The following GPX7 variants were observed in gnomAD, a reference collection of about 807,000 sequenced individuals.
The protein encoded by GPX7 is protein peroxidase GPX7.
In GPX7, 21 loss-of-function variants were observed where a neutral mutation model predicts 23.7. The observed-to-expected ratio is 0.89, with a 90% confidence interval of 0.63 to 1.28. The LOEUF (loss-of-function observed/expected upper bound fraction) is 1.28, where lower values mean the gene tolerates loss of function less well. Among genes scored for constraint, GPX7 ranks in the 50% most tolerant of loss-of-function variants. The pLI is 0.00. For synonymous variants in GPX7, 112 were observed against 101.8 expected, an observed-to-expected ratio of 1.10 and a Z score of -0.61; for missense variants, 238 against 237.3, an observed-to-expected ratio of 1.00 and a Z score of -0.02.
At chr1:52,606,495 G>T (rs1198901545) in intron 1 of GPX7, among the ~76,000 whole-genome samples, 189 bp from the exon 2 acceptor site, 2 of 152,170 alleles carry the variant, frequency 1.3e-5, no homozygotes, top group East Asian at 3.8e-4. Context: ...GCCTGTCTGT[G>T]TGCATGTGTT....
intron 2 of GPX7, chr1:52,607,412 C>T (rs1690866873): frequency 6.2e-6 from 1 of 162,276 alleles, no homozygotes; most frequent in Admixed American, 5.8e-5. Flanking sequence ...GGGAGACCTT[C>T]TAAGCTAAAA....
At position 52,606,733 on chromosome 1, in the gene GPX7, A is replaced by G; in HGVS notation, c.188A>G (p.His63Arg). 6.2e-7 allele frequency: 1 copy of G among 1,614,134 alleles called. No individual in the cohort carries two copies. The highest frequency in any genetic ancestry group is 8.5e-7 in the Non-Finnish European group (1 of 1,180,044). Residue 63 changes from histidine to arginine, a missense_variant, in exon 2 of 3, where the codon CAC (histidine) becomes CGC (arginine). Physicochemically the swap from His to Arg is conservative, Grantham distance 29. Coordinates refer to ENST00000361314, the MANE Select transcript of GPX7 (RefSeq NM_015696.5). ...VASECGFTDQ[H>R]YRALQQLQRD... ...AGCGAGTGCGGCTTCACAGACCAGC[A>G]CTACCGAGCCCTGCAGCAGCTGCAG...
At chr1:52,602,619 C>A in intron 1 of GPX7, 72 bp downstream of exon 1, 1 of 945,590 alleles carries the variant, frequency 1.1e-6, no homozygotes, top group Non-Finnish European at 1.5e-6. Flanking sequence ...GGACGCCCCG[C>A]AGCCCGGTCC....
In GPX7 at chr1:52,606,742, C is replaced by T. The variant is rs371713754; in HGVS notation, c.197C>T (p.Ala66Val). The T allele has an allele frequency of 1.9e-5, 31 of 1,614,046 alleles. No homozygotes were observed. The African/African-American group carries it at 2.9e-4, about 15-fold the overall frequency. Reference protein sequence around the residue: ...ECGFTDQHYRALQQLQRDLGP... With the variant: ...ECGFTDQHYRVLQQLQRDLGP... ...GGCTTCACAGACCAGCACTACCGAG[C>T]CCTGCAGCAGCTGCAGCGAGACCTG... Residue 66 changes from alanine (A) to valine (V), a missense_variant, in exon 2 of 3, where the codon GCC becomes GTC. Physicochemically the swap from Ala to Val is moderately conservative, Grantham distance 64. Transcript: ENST00000361314.
chr1:52,602,417 C>T lies in GPX7; in HGVS notation c.8C>T (p.Ala3Val), dbSNP rs1160854999. The part of the protein sequence containing the change: MV[A>V]ATVAAAWLLL... ...CCACCTCCGGAACAAGCCATGGTGGCGGCGACGGTGGCAGCGGCGTGGCTG... is the reference window on the plus strand; with the variant it reads ...CCACCTCCGGAACAAGCCATGGTGGTGGCGACGGTGGCAGCGGCGTGGCTG... Residue 3 changes from alanine to valine, a missense_variant, in exon 1 of 3, where the codon GCG becomes GTG. Physicochemically the swap from Ala to Val is moderately conservative, Grantham distance 64 (BLOSUM62 0). Transcript: ENST00000361314. 10 of 1,509,026 alleles carry T rather than the reference C, an allele frequency of 6.6e-6. No individual in the cohort carries two copies. The highest frequency in any genetic ancestry group is 4.4e-5 in the African/African-American group (3 of 68,580). 93.5% of individuals were successfully genotyped at this position (1,509,026 alleles called of 1,614,324 possible).
chr1:52,606,101 C>T (rs1445426987), intron 1 of GPX7, among the ~76,000 whole-genome samples: 1 of 152,188 alleles, frequency 6.6e-6, no homozygotes, highest in Non-Finnish European at 1.5e-5. Context: ...TGTGTGCACA[C>T]TTACTCATTC....
chr1:52,606,646 T>C (rs1041656145), intron 1 of GPX7, 38 bp from the exon 2 acceptor site: 2 of 1,598,972 alleles, frequency 1.3e-6, no homozygotes, highest in Non-Finnish European at 8.5e-7. Context: ...CTTCACTGGC[T>C]TGTCTGGGCT....
In GPX7 at chr1:52,608,283, C is replaced by A. The variant is rs377150381; in HGVS notation, c.422C>A (p.Thr141Asn). Residue 141 changes from threonine (T) to asparagine (N), a missense_variant, in exon 3 of 3, where the codon ACC (threonine) becomes AAC (asparagine). Coordinates refer to ENST00000361314, the MANE Select transcript of GPX7 (RefSeq NM_015696.5). ...CTAGAGACTTCTGGGAAGGAGCCCACCTGGAACTTCTGGAAGTACCTAGTA... is the reference window on the plus strand; with the variant it reads ...CTAGAGACTTCTGGGAAGGAGCCCAACTGGAACTTCTGGAAGTACCTAGTA... The part of the protein sequence containing the change: ...YLAQTSGKEP[T>N]WNFWKYLVAP... The A allele has an allele frequency of 3.1e-6, 5 of 1,612,728 alleles. No individual in the cohort carries two copies. Among genetic ancestry groups the A allele is most frequent in the Non-Finnish European group, 4.2e-6 (5 of 1,179,514 alleles).
chr1:52,602,635 G>A, intron 1 of GPX7, 88 bp downstream of exon 1: 2 of 766,948 alleles, frequency 2.6e-6, no homozygotes, highest in Non-Finnish European at 1.9e-6. Flanking sequence ...GGTCCCCCGC[G>A]CGGTGTGGCT....
intron 1 of GPX7, 88 bp from the exon 2 acceptor site, chr1:52,606,596 A>T: frequency 7.0e-7 from 1 of 1,436,332 alleles, no homozygotes. Flanking sequence ...TGAGGGAGTC[A>T]CATATGTGGA....
At chr1:52,603,636 G>A (rs1690824636) in intron 1 of GPX7, among the ~76,000 whole-genome samples, 2 of 152,192 alleles carry the variant, frequency 1.3e-5, no homozygotes, top group African/African-American at 4.8e-5. Flanking sequence ...CACAAAAATA[G>A]ATGTCAACAT....
At chr1:52,603,731 G>A (rs749196717) in intron 1 of GPX7, among the ~76,000 whole-genome samples, 1 of 152,192 alleles carries the variant, frequency 6.6e-6, no homozygotes, top group Non-Finnish European at 1.5e-5. Context: ...GAGTCTTGGG[G>A]ACAGTAATCC....
rs533077118 is a variant in GPX7 at position 52,604,640 on chromosome 1, T to C, written c.139-2044T>C. ...AACTGTGTGTACTTGGGTGTGTCTG[T>C]CTGTGTTTTGGTTTCTAAGGACCAA... is the stretch of plus-strand genomic sequence containing the variant. On this transcript the variant is annotated intron_variant, in intron 1 of 2. Coordinates refer to ENST00000361314, the MANE Select transcript of GPX7 (RefSeq NM_015696.5). 4.6e-5 allele frequency among the ~76,000 whole-genome samples: 7 copies of C among 152,332 alleles called. 1 individual carries two copies. The South Asian group carries it at 1.4e-3, about 32-fold the overall frequency.
At chr1:52,607,105 A>G in intron 2 of GPX7, 160 bp downstream of exon 2, 3 of 711,104 alleles carry the variant, frequency 4.2e-6, no homozygotes, top group Non-Finnish European at 4.9e-6. Context: ...CTAATCTTTG[A>G]GGAGAGTGGA....
Position 52,606,729 on chromosome 1 carries a change from C to T in GPX7, c.184C>T (p.Gln62Ter). Residue 62 changes from glutamine (Q) to a stop codon, truncating the protein, a stop_gained, in exon 2 of 3, where the codon CAG becomes TAG. Transcript: ENST00000361314. LOFTEE classifies it high-confidence loss of function. ...NVASECGFTD[Q>*]HYRALQQLQR... ...GGCCAGCGAGTGCGGCTTCACAGAC[C>T]AGCACTACCGAGCCCTGCAGCAGCT... is the stretch of plus-strand genomic sequence containing the variant. 1 of 1,614,138 alleles carries T rather than the reference C, an allele frequency of 6.2e-7. No individual in the cohort carries two copies. The highest frequency in any genetic ancestry group is 8.5e-7 in the Non-Finnish European group (1 of 1,180,040).
At chr1:52,607,143 G>A in intron 2 of GPX7, 198 bp downstream of exon 2, 1 of 616,430 alleles carries the variant, frequency 1.6e-6, no homozygotes. Context: ...GGGTATTCCT[G>A]CCTAAGAATA....
intron 1 of GPX7, among the ~76,000 whole-genome samples, chr1:52,604,518 T>G (rs1690833724): frequency 6.6e-6 from 1 of 152,182 alleles, no homozygotes; most frequent in South Asian, 2.1e-4. Context: ...TGGGAATGTG[T>G]GGGGTTATGT....
rs761757828 is a variant in GPX7, at chr1:52,606,867, TAC to T, written c.324_325del (p.Tyr108Ter). The T allele has an allele frequency of 6.2e-7, 1 of 1,614,216 alleles. No homozygotes were observed. The highest frequency in any genetic ancestry group is 8.5e-7 in the Non-Finnish European group (1 of 1,180,038). On this transcript the variant is annotated frameshift_variant, in exon 2 of 3. Coordinates refer to ENST00000361314, the MANE Select transcript of GPX7 (RefSeq NM_015696.5). LOFTEE classifies it high-confidence loss of function. ...GATTGAGAGCTTTGCCCGCCGCACC[TAC>T]AGTGTCTCATTCCCCATGTTTAGCA... Reference protein sequence around the residue: ...KEIESFARRTYSVSFPMFSKI... With the variant: ...KEIESFARRTXSVSFPMFSKI...
At chr1:52,607,026 C>A in intron 2 of GPX7, 81 bp downstream of exon 2, 3 of 1,506,998 alleles carry the variant, frequency 2.0e-6, no homozygotes, top group Non-Finnish European at 2.7e-6. Context: ...AAGCCACTGG[C>A]TGGTTGGGTG....
Sources: allele counts gnomAD v4.1 joint callset (sites outside exome capture counted in the v4.1 genomes callset), GRCh38; gene constraint gnomAD v4.1.1; transcripts MANE v1.5; gene names NCBI Gene and HGNC (gene_info 2026-07-23, HGNC 2026-07-21).